KDM1A: variants seen among roughly 807,000 people sequenced by gnomAD.
KDM1A encodes lysine demethylase 1A.
Under a neutral mutation model 109.4 loss-of-function variants are expected in KDM1A, and 49 were observed. That is an observed-to-expected ratio of 0.45 (90% CI 0.36 to 0.57). The LOEUF is 0.57. Among genes scored for constraint, KDM1A ranks in the 20% least tolerant of loss-of-function variants. KDM1A has a pLI of 0.00. For synonymous variants in KDM1A, 380 were observed against 415.4 expected (o/e 0.91, Z 1.04); for missense variants, 668 against 1,116.6 (o/e 0.60, Z 5.73).
chr1:23,030,889 AG>A (rs1010131626), intron 2 of KDM1A, among the ~76,000 whole-genome samples: 19 of 152,134 alleles, frequency 1.2e-4, no homozygotes, highest in African/African-American at 4.3e-4. Context: ...AGGAAAGTAA[AG>A]GGTGGGAATG....
chr1:23,055,280 A>G (rs571410343), intron 6 of KDM1A, 119 bp downstream of exon 6: 3 of 409,824 alleles, frequency 7.3e-6, no homozygotes, highest in South Asian at 1.6e-4. Context: ...ATATTTAAAA[A>G]TATTTCCAAG....
At chr1:23,070,143 G>T (rs1309514165) in intron 12 of KDM1A, among the ~76,000 whole-genome samples, 1 of 152,214 alleles carries the variant, frequency 6.6e-6, no homozygotes, top group Non-Finnish European at 1.5e-5. Context: ...GGTATCATCA[G>T]AAACCTGAAA....
chr1:23,020,082 A>G (rs1040380476), intron 1 of KDM1A, 135 bp downstream of exon 1: 2 of 961,312 alleles, frequency 2.1e-6, no homozygotes, highest in African/African-American at 3.4e-5. Flanking sequence ...TGCGCACGCC[A>G]CGTCCCCTCT....
chr1:23,041,166 A>G (rs913232718), intron 2 of KDM1A, among the ~76,000 whole-genome samples: 1 of 152,200 alleles, frequency 6.6e-6, no homozygotes, highest in African/African-American at 2.4e-5. Context: ...GAATTGGTCT[A>G]TAATATACTG....
At chr1:23,039,969 T>C (rs1642259170) in intron 2 of KDM1A, among the ~76,000 whole-genome samples, 2 of 152,250 alleles carry the variant, frequency 1.3e-5, no homozygotes, top group South Asian at 4.1e-4. Context: ...ATTAGTGCGT[T>C]AATACGGTAG....
At chr1:23,069,408 T>G (rs990672452) in intron 12 of KDM1A, among the ~76,000 whole-genome samples, 1 of 152,160 alleles carries the variant, frequency 6.6e-6, no homozygotes, top group Non-Finnish European at 1.5e-5. Flanking sequence ...CTCAGGGGTG[T>G]CCAGTCTTTT....
chr1:23,072,833 G>A (rs1047238459), intron 14 of KDM1A, among the ~76,000 whole-genome samples: 1 of 152,000 alleles, frequency 6.6e-6, no homozygotes, highest in Non-Finnish European at 1.5e-5. Flanking sequence ...TTTAGATGGG[G>A]TTTCACCTGT....
At chr1:23,062,391 A>G (rs1643025431) in intron 9 of KDM1A, among the ~76,000 whole-genome samples, 1 of 152,218 alleles carries the variant, frequency 6.6e-6, no homozygotes, top group South Asian at 2.1e-4. Context: ...GTAAACTTGG[A>G]TGAAATGGGG....
At chr1:23,048,286 T>C (rs541822295) in intron 3 of KDM1A, among the ~76,000 whole-genome samples, 2 of 152,248 alleles carry the variant, frequency 1.3e-5, no homozygotes, top group Middle Eastern at 6.8e-3. Flanking sequence ...GATTTGGGAA[T>C]GGGAGCTGGG....
At chr1:23,067,009 CT>C (rs1557576591) in intron 10 of KDM1A, among the ~76,000 whole-genome samples, 1 of 152,090 alleles carries the variant, frequency 6.6e-6, no homozygotes, top group Non-Finnish European at 1.5e-5. Context: ...AGAACAAGCT[CT>C]TTTTTTGGCC....
rs114889658 is a variant in KDM1A at position 23,048,433 on chromosome 1, A to T, written c.578-1954A>T. ...GGCTTTTACTATTTTTTTATTTTTT[A>T]TTTTTTTTACCCAAGGAATAAATTA... On this transcript the variant is annotated intron_variant, in intron 3 of 20. Transcript: ENST00000400181. Among the ~76,000 whole-genome samples the T allele has an allele frequency of 4.7e-3, 707 of 150,896 alleles. 7 individuals are homozygous for T. The highest frequency in any genetic ancestry group is 0.016 in the African/African-American group (640 of 41,066).
At chr1:23,025,656 TAAG>T (rs1440656074) in intron 1 of KDM1A, among the ~76,000 whole-genome samples, 2 of 152,046 alleles carry the variant, frequency 1.3e-5, no homozygotes, top group Non-Finnish European at 2.9e-5. Context: ...TTAGAATAAT[TAAG>T]AAATAATCTT....
Position 23,081,443 on chromosome 1 carries a change from C to T in KDM1A, c.2171-3C>T. On this transcript the variant is annotated splice_region_variant and splice_polypyrimidine_tract_variant and intron_variant, in intron 18 of 20. Transcript: ENST00000400181. ...CCTAGAATTATCCTTTCTGTTTCCC[C>T]AGCTCCAATACTGTTGGCACTAGTG... The T allele has an allele frequency of 6.2e-7, 1 of 1,613,996 alleles. No homozygotes were observed. Among genetic ancestry groups the T allele is most frequent in the Non-Finnish European group, 8.5e-7 (1 of 1,179,914 alleles).
At chr1:23,060,822 A>G (rs1642978102) in intron 9 of KDM1A, among the ~76,000 whole-genome samples, 1 of 152,146 alleles carries the variant, frequency 6.6e-6, no homozygotes, top group African/African-American at 2.4e-5. Context: ...AGGGGAAATG[A>G]CACGATTAAG....
intron 2 of KDM1A, among the ~76,000 whole-genome samples, chr1:23,040,506 TC>T (rs1477321768): frequency 6.6e-6 from 1 of 152,108 alleles, no homozygotes. Flanking sequence ...ATGAAGAGTC[TC>T]TACTTTAGGC....
At chr1:23,052,219 A>C (rs1557547928) in intron 4 of KDM1A, among the ~76,000 whole-genome samples, 1 of 152,222 alleles carries the variant, frequency 6.6e-6, no homozygotes, top group African/African-American at 2.4e-5. Context: ...AATGTAAATC[A>C]ACCTCTACTG....
chr1:23,054,040 AC>A (rs1453618496), intron 5 of KDM1A, among the ~76,000 whole-genome samples: 1 of 152,146 alleles, frequency 6.6e-6, no homozygotes, highest in Non-Finnish European at 1.5e-5. Context: ...AATTGTGTTA[AC>A]AGATGAGTTC....
chr1:23,063,851 G>A (rs1215742843), intron 9 of KDM1A, among the ~76,000 whole-genome samples: 2 of 152,116 alleles, frequency 1.3e-5, no homozygotes, highest in African/African-American at 4.8e-5. Flanking sequence ...TTATGGGGTG[G>A]GAGTGGGGGG....
chr1:23,056,705 G>A (rs1466979361), intron 7 of KDM1A, among the ~76,000 whole-genome samples: 1 of 150,608 alleles, frequency 6.6e-6, no homozygotes, highest in Non-Finnish European at 1.5e-5. Flanking sequence ...TGTGCACTTT[G>A]TACATTTTGT....
Sources: gnomAD v4.1 joint callset for allele counts (sites outside exome capture counted in the v4.1 genomes callset) on GRCh38, gnomAD v4.1.1 for gene constraint, MANE v1.5 for transcripts, NCBI Gene and HGNC (gene_info 2026-07-23, HGNC 2026-07-21) for gene names.